The following CDH18 variants were observed in gnomAD, a reference collection of about 807,000 sequenced individuals.
The protein encoded by CDH18 is cadherin-18.
A neutral mutation model predicts 67.9 loss-of-function variants in CDH18; 31 were observed. The observed-to-expected ratio is 0.46, with a 90% confidence interval of 0.34 to 0.62. The LOEUF is 0.62. Ranked by LOEUF, CDH18 falls within the 20% of genes least tolerant of loss-of-function variation. CDH18 has a pLI of 0.01. For missense variants in CDH18, 890 were observed against 975.5 expected (o/e 0.91, Z 1.17); for synonymous variants, 362 against 347.2 (o/e 1.04, Z -0.48).
At chr5:20,558,465 A>AT (rs747689570) in intron 1 of CDH18, among the ~76,000 whole-genome samples, 1 of 152,108 alleles carries the variant, frequency 6.6e-6, no homozygotes, top group Non-Finnish European at 1.5e-5. Context: ...AAATATAGAA[A>AT]TTACAGAGAA....
At chr5:20,156,490 C>T (rs925234147) in intron 2 of CDH18, among the ~76,000 whole-genome samples, 2 of 152,084 alleles carry the variant, frequency 1.3e-5, no homozygotes, top group African/African-American at 2.4e-5. Flanking sequence ...AGTCAAATAC[C>T]GTATGTTCTC....
chr5:20,415,027 C>T (rs1211700537), intron 1 of CDH18, among the ~76,000 whole-genome samples: 1 of 152,186 alleles, frequency 6.6e-6, no homozygotes, highest in African/African-American at 2.4e-5. Flanking sequence ...CCAAAAGATA[C>T]TAACATGTTA....
At chr5:19,538,990 T>C (rs1749825992) in intron 9 of CDH18, among the ~76,000 whole-genome samples, 1 of 152,128 alleles carries the variant, frequency 6.6e-6, no homozygotes, top group Admixed American at 6.5e-5. Context: ...TAGAAAATAC[T>C]TGGGTAGCGT....
intron 1 of CDH18, chr5:20,304,760 G>C: frequency 6.2e-7 from 1 of 1,611,186 alleles, no homozygotes; most frequent in Non-Finnish European, 8.5e-7. Context: ...GACTCTTGCT[G>C]TAATTTTGTT....
intron 1 of CDH18, among the ~76,000 whole-genome samples, chr5:20,373,054 T>C (rs1743132121): frequency 6.6e-6 from 1 of 152,168 alleles, no homozygotes. Context: ...TTGTTGATAT[T>C]ATAATAAGAC....
chr5:19,932,800 G>A (rs541399848), intron 2 of CDH18, among the ~76,000 whole-genome samples: 4 of 151,372 alleles, frequency 2.6e-5, no homozygotes, highest in South Asian at 2.1e-4. Context: ...CAAACCACTT[G>A]TCTAATTAGC....
At chr5:19,886,570 T>C (rs1441050927) in intron 2 of CDH18, among the ~76,000 whole-genome samples, 1 of 152,206 alleles carries the variant, frequency 6.6e-6, no homozygotes, top group Non-Finnish European at 1.5e-5. Flanking sequence ...TCGCAATCAA[T>C]CTTTCTCTTT....
intron 2 of CDH18, among the ~76,000 whole-genome samples, chr5:20,171,267 G>T (rs984337864): frequency 6.6e-6 from 1 of 151,932 alleles, no homozygotes; most frequent in Non-Finnish European, 1.5e-5. Context: ...TGGTAGTTCT[G>T]TTTTTAAGTC....
intron 2 of CDH18, among the ~76,000 whole-genome samples, chr5:20,156,819 C>G (rs908333132): frequency 6.6e-6 from 1 of 152,048 alleles, no homozygotes. Context: ...ATAAAAATAA[C>G]CTTTTAAAAA....
chr5:20,267,948 TC>T (rs1249384561), intron 1 of CDH18, among the ~76,000 whole-genome samples: 2 of 152,136 alleles, frequency 1.3e-5, no homozygotes, highest in African/African-American at 2.4e-5. Context: ...TTTTCCTCCT[TC>T]CCTCTTCCCA....
intron 5 of CDH18, among the ~76,000 whole-genome samples, chr5:19,692,277 T>G (rs1761991522): frequency 6.6e-6 from 1 of 152,094 alleles, no homozygotes; most frequent in African/African-American, 2.4e-5. Flanking sequence ...ACTGCAAAAC[T>G]ACTATAATGA....
intron 5 of CDH18, among the ~76,000 whole-genome samples, chr5:19,658,296 T>G (rs1756681813): frequency 6.6e-6 from 1 of 152,150 alleles, no homozygotes; most frequent in African/African-American, 2.4e-5. Flanking sequence ...TAAAAATTAT[T>G]TTTAATTAAA....
chr5:19,591,999 T>C (rs1446570565), intron 6 of CDH18, among the ~76,000 whole-genome samples: 1 of 152,100 alleles, frequency 6.6e-6, no homozygotes, highest in African/African-American at 2.4e-5. Context: ...TATACACAAG[T>C]GGTGATTATT....
In CDH18 at chr5:19,473,693, G is replaced by C. The variant is rs1263942705; in HGVS notation, c.1906C>G (p.Leu636Val). 1.2e-6 allele frequency: 2 copies of C among 1,605,674 alleles called. No homozygotes were observed. The highest frequency in any genetic ancestry group is 1.7e-6 in the Non-Finnish European group (2 of 1,175,890). ...LLAIVVLFIT[L>V]RRSKKEPLII... is the part of the protein sequence containing the mutation. Reference sequence around the variant, plus strand: ...AAGGGCTCTTTTTTGCTGCGCCTCAGGGTGATAAAAAGTACCACAATTGCT... The same window carrying C: ...AAGGGCTCTTTTTTGCTGCGCCTCACGGTGATAAAAAGTACCACAATTGCT... The change falls in exon 13 of 13, where the codon CTG (leucine) becomes GTG (valine). Residue 636 changes from leucine to valine, a missense_variant. Physicochemically the swap from Leu to Val is conservative, Grantham distance 32. Coordinates refer to ENST00000382275, the MANE Select transcript of CDH18 (RefSeq NM_004934.5).
At chr5:20,450,814 A>T (rs1750389154) in intron 1 of CDH18, among the ~76,000 whole-genome samples, 1 of 152,208 alleles carries the variant, frequency 6.6e-6, no homozygotes, top group Non-Finnish European at 1.5e-5. Context: ...GGTAATTTAT[A>T]ACAGAAAGAG....
chr5:19,752,068 G>A (rs1338412517), intron 3 of CDH18, among the ~76,000 whole-genome samples: 1 of 152,158 alleles, frequency 6.6e-6, no homozygotes. Flanking sequence ...CACCCCCACT[G>A]GGGAAACTGA....
chr5:19,591,043 T>C lies in CDH18; in HGVS notation c.999+14A>G. On this transcript the variant is annotated intron_variant, in intron 7 of 12. Coordinates refer to ENST00000382275, the MANE Select transcript of CDH18 (RefSeq NM_004934.5). ...AGTGAGTTGCCTGAATCACAAAAAG[T>C]ATGTTCTTTTTACCTTCTTTAAAGA... 5.9e-6 allele frequency: 9 copies of C among 1,517,800 alleles called. No homozygotes were observed. Among genetic ancestry groups the C allele is most frequent in the Non-Finnish European group, 8.0e-6 (9 of 1,120,126 alleles). 94.0% of individuals were successfully genotyped at this position (1,517,800 alleles called of 1,614,324 possible). A position where few individuals can be genotyped will look rare whatever the true frequency, so the allele number is the denominator to read the frequency against.
intron 2 of CDH18, among the ~76,000 whole-genome samples, chr5:20,207,647 G>C (rs1393711931): frequency 6.6e-6 from 1 of 151,990 alleles, no homozygotes; most frequent in East Asian, 1.9e-4. Flanking sequence ...GCAGGGGAAA[G>C]ACCCATGCTG....
intron 5 of CDH18, among the ~76,000 whole-genome samples, chr5:19,719,471 T>C (rs16888249): frequency 0.079 from 11,969 of 151,942 alleles, 975 homozygotes; most frequent in East Asian, 0.25. Context: ...ATTGGGAAAA[T>C]AGAACAAAAT....
Sources: allele counts gnomAD v4.1 joint callset (sites outside exome capture counted in the v4.1 genomes callset), GRCh38; gene constraint gnomAD v4.1.1; transcripts MANE v1.5; gene names NCBI Gene and HGNC (gene_info 2026-07-23, HGNC 2026-07-21).